ERICH1: variants seen among roughly 807,000 people sequenced by gnomAD.
ERICH1 encodes the protein glutamate rich 1.
ERICH1 carries 56 observed loss-of-function variants against 39.6 expected under a neutral mutation model. The observed-to-expected ratio is 1.41, with a 90% CI of 1.14 to 1.77. ERICH1 has a LOEUF of 1.77. ERICH1 is among the 40% of genes most tolerant of loss of function. The pLI, the probability that ERICH1 is intolerant of heterozygous loss-of-function variation, is 0.00. For synonymous variants in ERICH1, 313 were observed against 223.6 expected (o/e 1.40, Z -3.57); for missense variants, 826 against 575.4 (o/e 1.44, Z -4.45).
intron 2 of ERICH1, among the ~76,000 whole-genome samples, chr8:711,597 A>G (rs936457164): frequency 3.3e-5 from 5 of 151,706 alleles, no homozygotes; most frequent in East Asian, 1.9e-4. Context: ...TCCTGGGTTC[A>G]AGCAATTCTT....
At chr8:642,993 G>A (rs975935886) in intron 3 of ERICH1, among the ~76,000 whole-genome samples, 5 of 152,172 alleles carry the variant, frequency 3.3e-5, no homozygotes, top group Admixed American at 1.3e-4. Context: ...AACGTGGCCC[G>A]AAACAAACTG....
chr8:705,923 T>C (rs1430959650), intron 2 of ERICH1, among the ~76,000 whole-genome samples: 2 of 152,180 alleles, frequency 1.3e-5, no homozygotes, highest in African/African-American at 4.8e-5. Context: ...ACGTTTTTAA[T>C]GTTTGGATGC....
At chr8:627,898 C>T (rs1044967188) in intron 3 of ERICH1, among the ~76,000 whole-genome samples, 1 of 152,182 alleles carries the variant, frequency 6.6e-6, no homozygotes, top group Admixed American at 6.5e-5. Flanking sequence ...GCTGCCTCCC[C>T]TAGTCCCCTC....
At chr8:661,167 C>T (rs536013870), downstream of ERICH1, among the ~76,000 whole-genome samples, 7 of 152,202 alleles carry the variant, frequency 4.6e-5, no homozygotes, top group African/African-American at 1.4e-4. Flanking sequence ...TATTTTGGAG[C>T]GGGTGGAACA....
At chr8:639,665 C>T (rs1479722242) in intron 3 of ERICH1, among the ~76,000 whole-genome samples, 1 of 144,684 alleles carries the variant, frequency 6.9e-6, no homozygotes, top group Non-Finnish European at 1.5e-5. Flanking sequence ...TCACAGGCAG[C>T]CACCAATCCA....
intron 1 of ERICH1, 27 bp downstream of exon 1, chr8:731,113 G>A (rs1819896165): frequency 6.0e-6 from 9 of 1,488,214 alleles, no homozygotes; most frequent in Non-Finnish European, 8.0e-6. Context: ...TGGGGTCTGG[G>A]CAGGCCTCCG....
intron 1 of ERICH1, among the ~76,000 whole-genome samples, chr8:719,215 A>T (rs1816738328): frequency 6.6e-6 from 1 of 152,170 alleles, no homozygotes; most frequent in South Asian, 2.1e-4. Flanking sequence ...GCCCCACCCC[A>T]GCCCTGGCTG....
intron 2 of ERICH1, among the ~76,000 whole-genome samples, chr8:700,859 C>G (rs1206144484): frequency 6.6e-6 from 1 of 152,226 alleles, no homozygotes; most frequent in African/African-American, 2.4e-5. Flanking sequence ...AAAAACTCTC[C>G]TGAAAAATAC....
rs1296523774 is a variant in ERICH1 at position 615,068 on chromosome 8, G to A, written c.*155C>T. On this transcript the variant is annotated 3_prime_UTR_variant, in exon 4 of 4. Transcript: ENST00000522706. ...CGCTCCCAGCAGCCCTGTACCCATC[G>A]GCCACTGAAGATCTCAGCTCTCGTC... The A allele has an allele frequency of 2.4e-5, 14 of 582,416 alleles. No homozygotes were observed. In the South Asian group the frequency reaches 2.7e-4, roughly 11 times the overall value. 36.1% of individuals were successfully genotyped at this position (582,416 alleles called of 1,614,324 possible). A position where few individuals can be genotyped will look rare whatever the true frequency, so the allele number is the denominator to read the frequency against.
intron 3 of ERICH1, among the ~76,000 whole-genome samples, chr8:686,351 G>A (rs1807368979): frequency 6.6e-6 from 1 of 152,192 alleles, no homozygotes; most frequent in African/African-American, 2.4e-5. Context: ...AGGAATATGT[G>A]CCAACAATAG....
At chr8:635,961 A>G (rs558663926) in intron 3 of ERICH1, among the ~76,000 whole-genome samples, 1 of 152,330 alleles carries the variant, frequency 6.6e-6, no homozygotes, top group African/African-American at 2.4e-5. Context: ...GAGCCGTTCA[A>G]CCAGGGCGAG....
At chr8:616,478 G>T (rs1045712123) in intron 3 of ERICH1, 16 of 455,154 alleles carry the variant, frequency 3.5e-5, no homozygotes, top group African/African-American at 3.0e-4. Flanking sequence ...AACAAACCCA[G>T]ACAGGTACGG....
At chr8:731,110 TG>T in intron 1 of ERICH1, 29 bp downstream of exon 1, 1 of 1,469,878 alleles carries the variant, frequency 6.8e-7, no homozygotes. Context: ...GTCTGGGGTC[TG>T]GGCAGGCCTC....
In ERICH1 at chr8:697,365, G is replaced by A. The variant is rs938568804; in HGVS notation, c.170-4753C>T. ...GAAGCCGGTGCAACGCCGACCCCAC[G>A]AGCAACTGAATCGGCAGGAAAAAGT... On this transcript the variant is annotated intron_variant, in intron 2 of 5. Transcript: ENST00000262109. Among the ~76,000 whole-genome samples the A allele has an allele frequency of 2.0e-5, 3 of 152,228 alleles. No individual in the cohort carries two copies. In the East Asian group the frequency reaches 5.8e-4, roughly 30 times the overall value.
chr8:708,681 G>GTTTTTTGTTTTTTGTTTTTTTTTTTTTTT, intron 2 of ERICH1, among the ~76,000 whole-genome samples: 3 of 65,816 alleles, frequency 4.6e-5, no homozygotes, highest in African/African-American at 5.7e-5. Context: ...GGGATAATGA[G>GTTTTTTGTTTTTTGTTTTTTTTTTTTTTT]TTTTTTTTTT....
Position 716,027 on chromosome 8 carries a change from A to C in ERICH1, c.23-20T>G. 6.3e-7 allele frequency: 1 copy of C among 1,575,248 alleles called. No individual in the cohort carries two copies. Among genetic ancestry groups the C allele is most frequent in the Non-Finnish European group, 8.6e-7 (1 of 1,164,982 alleles). ...CAAACACTGTACAGACAACCGATTA[A>C]AAGAAAAGGAGGAAAAGGAATGAAT... On this transcript the variant is annotated intron_variant, in intron 1 of 5. Transcript: ENST00000262109.
In ERICH1 at chr8:729,045, G is replaced by A. The variant is rs117944144; in HGVS notation, c.22+2095C>T. ...GGGCCCCTGGATGTGTCCTCTGTCA[G>A]CAAGCACTGCCCTAAACCCAAGCAC... On this transcript the variant is annotated intron_variant, in intron 1 of 5. Coordinates refer to ENST00000262109, the MANE Select transcript of ERICH1 (RefSeq NM_207332.3). Among the ~76,000 whole-genome samples, 666 of 152,268 alleles carry A rather than the reference G, an allele frequency of 4.4e-3. 1 individual carries two copies. Among genetic ancestry groups the A allele is most frequent in the Non-Finnish European group, 6.7e-3 (458 of 68,020 alleles).
Position 633,807 on chromosome 8 carries a change from C to T in ERICH1, c.977-18523G>A, listed in dbSNP as rs955844030. On this transcript the variant is annotated intron_variant, in intron 3 of 3. Transcript: ENST00000522706. ...CAATGGGAAAAGACAGCCGCTTCCACCGATGGTGCTGGGAAACAGGACATC... is the reference window on the plus strand; with the variant it reads ...CAATGGGAAAAGACAGCCGCTTCCATCGATGGTGCTGGGAAACAGGACATC... Among the ~76,000 whole-genome samples, 4 of 152,226 alleles carry T rather than the reference C, an allele frequency of 2.6e-5. No homozygotes were observed. In the South Asian group the frequency reaches 8.3e-4, roughly 32 times the overall value.
At chr8:652,840 G>A (rs745749998) in intron 3 of ERICH1, among the ~76,000 whole-genome samples, 12 of 152,180 alleles carry the variant, frequency 7.9e-5, no homozygotes, top group Non-Finnish European at 1.5e-4. Flanking sequence ...CAACACGCAC[G>A]CAAAAAGATG....
Sources: allele counts gnomAD v4.1 joint callset (sites outside exome capture counted in the v4.1 genomes callset), GRCh38; gene constraint gnomAD v4.1.1; transcripts MANE v1.5; gene names NCBI Gene and HGNC (gene_info 2026-07-23, HGNC 2026-07-21).